GSTCD: variants seen among roughly 807,000 people sequenced by gnomAD.
The protein encoded by GSTCD is glutathione S-transferase C-terminal domain-containing protein.
GSTCD carries 44 observed loss-of-function variants against 68.3 expected under a neutral mutation model. That is an observed-to-expected ratio of 0.64 (90% CI 0.51 to 0.83). The LOEUF (loss-of-function observed/expected upper bound fraction) is 0.83, where lower values mean the gene tolerates loss of function less well. GSTCD is among the 40% of genes least tolerant of loss of function. GSTCD has a pLI of 0.00. For synonymous variants in GSTCD, 273 were observed against 255.2 expected (o/e 1.07, Z -0.67); for missense variants, 739 against 735.9 (o/e 1.00, Z -0.05).
At chr4:105,712,496 G>T (rs1732567547) in intron 1 of GSTCD, 1 of 152,212 alleles carries the variant, frequency 6.6e-6, no homozygotes, top group African/African-American at 2.4e-5. Context: ...AGGAAATTTG[G>T]ATTTTATTTT....
intron 5 of GSTCD, among the ~76,000 whole-genome samples, chr4:105,742,485 G>C (rs1733661039): frequency 6.6e-6 from 1 of 152,174 alleles, no homozygotes; most frequent in African/African-American, 2.4e-5. Context: ...CCCATGGCCA[G>C]ATACTCAACT....
chr4:105,767,782 C>T (rs1734676725), intron 5 of GSTCD, among the ~76,000 whole-genome samples: 1 of 152,092 alleles, frequency 6.6e-6, no homozygotes, highest in Non-Finnish European at 1.5e-5. Flanking sequence ...CCTAAACCAG[C>T]CTGACTGGTT....
chr4:105,820,646 T>A (rs1457560898), intron 5 of GSTCD: 1 of 151,902 alleles, frequency 6.6e-6, no homozygotes, highest in Non-Finnish European at 1.5e-5. Context: ...AGCTTTTCCA[T>A]AAAGCATCTG....
chr4:105,782,772 G>A lies in GSTCD; in HGVS notation c.1241-40182G>A, dbSNP rs1001659919. Among the ~76,000 whole-genome samples, 59 of 151,984 alleles carry A rather than the reference G, an allele frequency of 3.9e-4. 1 individual carries two copies. Among genetic ancestry groups the A allele is most frequent in the African/African-American group, 1.4e-3 (57 of 41,444 alleles). ...TAATTTTTGTATTTATAATAGAGAC[G>A]GGGTTTCACCATGTTGCTCGGGCTT... On this transcript the variant is annotated intron_variant, in intron 5 of 11. Coordinates refer to ENST00000515279, the MANE Select transcript of GSTCD (RefSeq NM_001370181.1).
chr4:105,833,993 G>A (rs550095264), intron 8 of GSTCD, among the ~76,000 whole-genome samples: 9 of 152,246 alleles, frequency 5.9e-5, no homozygotes, highest in African/African-American at 2.2e-4. Flanking sequence ...GCCCTGATTA[G>A]ATTATGTTAA....
At chr4:105,827,547 A>T (rs1470088525) in intron 8 of GSTCD, among the ~76,000 whole-genome samples, 2 of 152,212 alleles carry the variant, frequency 1.3e-5, no homozygotes, top group East Asian at 3.8e-4. Context: ...TGAAGAGAAT[A>T]ATTTGCCTAG....
chr4:105,716,551 G>C (rs1732687168), intron 1 of GSTCD, among the ~76,000 whole-genome samples: 1 of 152,174 alleles, frequency 6.6e-6, no homozygotes, highest in Non-Finnish European at 1.5e-5. Context: ...ATCAGCAGCG[G>C]CATCAGATTC....
At chr4:105,829,461 T>G (rs1723807571) in intron 8 of GSTCD, among the ~76,000 whole-genome samples, 1 of 152,134 alleles carries the variant, frequency 6.6e-6, no homozygotes, top group South Asian at 2.1e-4. Flanking sequence ...GTTTAATTGA[T>G]TCACAGTTCC....
chr4:105,807,808 C>T (rs981502456), intron 5 of GSTCD, among the ~76,000 whole-genome samples: 7 of 152,012 alleles, frequency 4.6e-5, no homozygotes, highest in South Asian at 2.1e-4. Context: ...GTAAGAATAC[C>T]GGTTTCCCTT....
intron 5 of GSTCD, among the ~76,000 whole-genome samples, chr4:105,774,941 A>G (rs1452942993): frequency 6.6e-6 from 1 of 152,124 alleles, no homozygotes; most frequent in African/African-American, 2.4e-5. Context: ...ATAATATCCC[A>G]AGGAGTGTTT....
chr4:105,767,289 CTATT>C (rs1373936036), intron 5 of GSTCD, among the ~76,000 whole-genome samples: 1 of 152,118 alleles, frequency 6.6e-6, no homozygotes, highest in Non-Finnish European at 1.5e-5. Context: ...AAGTTACAGT[CTATT>C]TATACATCCA....
At chr4:105,818,923 T>C (rs1216172868) in intron 5 of GSTCD, among the ~76,000 whole-genome samples, 1 of 151,802 alleles carries the variant, frequency 6.6e-6, no homozygotes, top group Non-Finnish European at 1.5e-5. Flanking sequence ...GATAATTTTA[T>C]GGATAATCCT....
chr4:105,755,840 A>G (rs911506412), intron 5 of GSTCD, among the ~76,000 whole-genome samples: 1 of 150,320 alleles, frequency 6.7e-6, no homozygotes, highest in Non-Finnish European at 1.5e-5. Context: ...CTAGTTTTGC[A>G]TTAACTATAA....
chr4:105,804,128 G>A (rs1034044182), intron 5 of GSTCD, among the ~76,000 whole-genome samples: 1 of 151,826 alleles, frequency 6.6e-6, no homozygotes, highest in South Asian at 2.1e-4. Context: ...TTAGTTATCT[G>A]GTAGTATTTA....
Position 105,719,275 on chromosome 4 carries a change from G to C in GSTCD, c.642G>C (p.Lys214Asn). ...KADGVGPPLTKGKAKSKVHTQ... is the reference protein window; with the variant it reads ...KADGVGPPLTNGKAKSKVHTQ... ...ATGGAGTTGGGCCTCCCCTTACTAA[G>C]GGAAAGGCAAAGAGCAAGGTCCACA... Residue 214 changes from lysine to asparagine, a missense_variant, in exon 3 of 12, where the codon AAG (lysine) becomes AAC (asparagine). Lys to Asn is a moderately conservative substitution (Grantham distance 94). Coordinates refer to ENST00000515279, the MANE Select transcript of GSTCD (RefSeq NM_001370181.1). 6.2e-7 allele frequency: 1 copy of C among 1,614,044 alleles called. No individual in the cohort carries two copies. Among genetic ancestry groups the C allele is most frequent in the Non-Finnish European group, 8.5e-7 (1 of 1,179,976 alleles).
At chr4:105,780,308 A>G (rs532068244) in intron 5 of GSTCD, among the ~76,000 whole-genome samples, 7 of 152,314 alleles carry the variant, frequency 4.6e-5, no homozygotes, top group African/African-American at 1.7e-4. Context: ...GCTGTCTCAC[A>G]ATATTCGCCT....
intron 5 of GSTCD, among the ~76,000 whole-genome samples, chr4:105,779,563 T>C (rs1179055091): frequency 6.6e-6 from 1 of 152,240 alleles, no homozygotes; most frequent in Non-Finnish European, 1.5e-5. Context: ...CAAGGTTCTC[T>C]GTCAAATTTT....
intron 5 of GSTCD, among the ~76,000 whole-genome samples, chr4:105,733,591 CA>C (rs1386065503): frequency 6.6e-6 from 1 of 152,150 alleles, no homozygotes; most frequent in Non-Finnish European, 1.5e-5. Context: ...CTCTGCACGT[CA>C]GATGGCTCTC....
chr4:105,804,834 T>G (rs1006505070), intron 5 of GSTCD, among the ~76,000 whole-genome samples: 2 of 152,044 alleles, frequency 1.3e-5, no homozygotes, highest in African/African-American at 2.4e-5. Context: ...GTTGCTCCCC[T>G]GCCATGTGTC....
Sources: allele counts gnomAD v4.1 joint callset (sites outside exome capture counted in the v4.1 genomes callset), GRCh38; gene constraint gnomAD v4.1.1; transcripts MANE v1.5; gene names NCBI Gene and HGNC (gene_info 2026-07-23, HGNC 2026-07-21).